The following PHF20 variants were observed in gnomAD, a reference collection of about 807,000 sequenced individuals.
PHF20 encodes the protein PHD finger protein 20.
In PHF20, 23 loss-of-function variants were observed where a neutral mutation model predicts 113.5. The observed-to-expected ratio is 0.20, with a 90% CI of 0.15 to 0.29. The LOEUF (loss-of-function observed/expected upper bound fraction) is 0.29. Ranked by LOEUF, PHF20 falls within the 10% of genes least tolerant of loss-of-function variation. PHF20 has a pLI of 1.00. For synonymous variants in PHF20, 434 were observed against 457.3 expected (o/e 0.95, Z 0.65); for missense variants, 943 against 1,219.6 (o/e 0.77, Z 3.38).
intron 9 of PHF20, among the ~76,000 whole-genome samples, chr20:35,885,370 G>A (rs1254250103): frequency 2.0e-5 from 3 of 148,540 alleles, no homozygotes; most frequent in Non-Finnish European, 4.4e-5. Flanking sequence ...AGATACACAC[G>A]TTGAATTCAG....
chr20:35,783,779 C>T (rs925525680), intron 1 of PHF20, among the ~76,000 whole-genome samples: 3 of 151,740 alleles, frequency 2.0e-5, no homozygotes, highest in Non-Finnish European at 2.9e-5. Flanking sequence ...GTCAGGAGTT[C>T]GAGACCAGCT....
At chr20:35,777,483 G>A (rs1423677099) in intron 1 of PHF20, among the ~76,000 whole-genome samples, 1 of 152,210 alleles carries the variant, frequency 6.6e-6, no homozygotes, top group Non-Finnish European at 1.5e-5. Context: ...CCTTTCTGAA[G>A]TTTGAAAGTG....
chr20:35,815,223 A>G (rs1600772485), intron 2 of PHF20, among the ~76,000 whole-genome samples: 1 of 152,050 alleles, frequency 6.6e-6, no homozygotes, highest in East Asian at 1.9e-4. Flanking sequence ...AAATAAGTAA[A>G]TAAATAGATG....
chr20:35,863,443 A>G (rs2054256524), intron 6 of PHF20, 43 bp downstream of exon 6: 1 of 1,526,208 alleles, frequency 6.6e-7, no homozygotes, highest in African/African-American at 1.4e-5. Context: ...ATGCCAGAGT[A>G]TTCTTCTGTG....
intron 2 of PHF20, among the ~76,000 whole-genome samples, chr20:35,803,843 C>T (rs562786991): frequency 7.9e-5 from 12 of 151,658 alleles, no homozygotes; most frequent in Non-Finnish European, 1.6e-4. Context: ...TTTACCCATA[C>T]TTAACTCCGC....
intron 2 of PHF20, among the ~76,000 whole-genome samples, chr20:35,820,503 C>A (rs932633880): frequency 1.4e-5 from 2 of 146,796 alleles, no homozygotes; most frequent in Non-Finnish European, 3.0e-5. Context: ...GGCTGGAGTG[C>A]AGTGGCATGA....
intron 9 of PHF20, among the ~76,000 whole-genome samples, chr20:35,881,382 C>T (rs1213832154): frequency 6.6e-6 from 1 of 151,198 alleles, no homozygotes; most frequent in Non-Finnish European, 1.5e-5. Context: ...TTAGAAAATC[C>T]CATATTTAAT....
At chr20:35,808,032 A>G (rs2041914746) in intron 2 of PHF20, among the ~76,000 whole-genome samples, 1 of 152,162 alleles carries the variant, frequency 6.6e-6, no homozygotes, top group African/African-American at 2.4e-5. Flanking sequence ...GGGAAGATAG[A>G]GGAAGCAAAA....
chr20:35,896,896 A>G (rs1600896931), intron 9 of PHF20, among the ~76,000 whole-genome samples: 2 of 151,554 alleles, frequency 1.3e-5, no homozygotes, highest in East Asian at 1.9e-4. Flanking sequence ...TTTTAGGGTC[A>G]TGCTTTTATT....
At chr20:35,927,670 C>A in intron 13 of PHF20, 110 bp from the exon 14 acceptor site, 1 of 814,318 alleles carries the variant, frequency 1.2e-6, no homozygotes. Context: ...GTGCTCCTTC[C>A]TCCCCTCTCC....
At chr20:35,930,885 G>A (rs533910282) in intron 14 of PHF20, among the ~76,000 whole-genome samples, 1 of 152,266 alleles carries the variant, frequency 6.6e-6, no homozygotes, top group South Asian at 2.1e-4. Flanking sequence ...GCCTCAGTAA[G>A]CCAGAGTTAG....
Position 35,857,562 on chromosome 20 carries a change from C to CTTTTTTTTTTTTT in PHF20, c.341-728_341-716dup, listed in dbSNP as rs56655276. Among the ~76,000 whole-genome samples the CTTTTTTTTTTTTT allele has an allele frequency of 8.5e-3, 852 of 99,670 alleles. 3 individuals carry two copies. The highest frequency in any genetic ancestry group is 0.011 in the Middle Eastern group (1 of 94). 65.4% of individuals were successfully genotyped at this position (99,670 alleles called of 152,430 possible). A position where few individuals can be genotyped will look rare whatever the true frequency, so the allele number is the denominator to read the frequency against. ...CAATACCTTTAGCTGAATGATGTTC[C>CTTTTTTTTTTTTT]TTTTTTTTTTTTTTTTTTTTTTTTG... On this transcript the variant is annotated intron_variant, in intron 4 of 17. Coordinates refer to ENST00000374012, the MANE Select transcript of PHF20 (RefSeq NM_016436.5).
chr20:35,926,972 A>G (rs1280216670), intron 13 of PHF20, among the ~76,000 whole-genome samples: 1 of 152,044 alleles, frequency 6.6e-6, no homozygotes, highest in East Asian at 1.9e-4. Flanking sequence ...TTTCCTTTTC[A>G]TTCCCTCCTC....
intron 2 of PHF20, among the ~76,000 whole-genome samples, chr20:35,802,862 C>A (rs1260377127): frequency 6.7e-6 from 1 of 150,294 alleles, no homozygotes; most frequent in Non-Finnish European, 1.5e-5. Context: ...TTGCTTGAAC[C>A]CGGGAGGTGG....
intron 2 of PHF20, among the ~76,000 whole-genome samples, chr20:35,808,307 A>G (rs1257635881): frequency 6.6e-6 from 1 of 151,996 alleles, no homozygotes; most frequent in African/African-American, 2.4e-5. Context: ...CATAGCAGCA[A>G]GATGTTAAAT....
chr20:35,945,685 AG>A (rs1428351888), intron 17 of PHF20, among the ~76,000 whole-genome samples: 1 of 152,106 alleles, frequency 6.6e-6, no homozygotes, highest in Non-Finnish European at 1.5e-5. Flanking sequence ...GGCTACCTGC[AG>A]GGGGTGGTTC....
At chr20:35,772,237 A>G in intron 1 of PHF20, among the ~76,000 whole-genome samples, 158 bp downstream of exon 1, 1 of 151,626 alleles carries the variant, frequency 6.6e-6, no homozygotes, top group East Asian at 1.9e-4. Flanking sequence ...CCCAGCCTGG[A>G]GGGAGGCCCT....
chr20:35,877,831 C>T (rs1015058273), intron 9 of PHF20, among the ~76,000 whole-genome samples: 9 of 152,292 alleles, frequency 5.9e-5, no homozygotes, highest in African/African-American at 1.9e-4. Context: ...AGAAGTGGGA[C>T]ACTTTGCCAC....
At chr20:35,804,121 C>A (rs1216713425) in intron 2 of PHF20, among the ~76,000 whole-genome samples, 7 of 151,846 alleles carry the variant, frequency 4.6e-5, no homozygotes, top group African/African-American at 1.7e-4. Context: ...GTCACCCAGG[C>A]TGGAGTGTGG....
Sources: allele counts gnomAD v4.1 joint callset (sites outside exome capture counted in the v4.1 genomes callset), GRCh38; gene constraint gnomAD v4.1.1; transcripts MANE v1.5; gene names NCBI Gene and HGNC (gene_info 2026-07-23, HGNC 2026-07-21).